The following CRISPLD2 variants were observed in gnomAD, a reference collection of about 807,000 sequenced individuals.
CRISPLD2 encodes the protein cysteine-rich secretory protein LCCL domain-containing 2.
In CRISPLD2, 47 loss-of-function variants were observed where a neutral mutation model predicts 71.1. The ratio of observed to expected loss-of-function variants is 0.66; its 90% CI spans 0.52 to 0.84. The LOEUF is 0.84. Among genes scored for constraint, CRISPLD2 ranks in the 40% least tolerant of loss-of-function variants. The pLI is 0.00. For synonymous variants in CRISPLD2, 317 were observed against 250.1 expected (o/e 1.27, Z -2.52); for missense variants, 830 against 651.1 (o/e 1.27, Z -2.99).
intron 11 of CRISPLD2, 83 bp from the exon 12 acceptor site, chr16:84,877,355 T>C: frequency 8.0e-7 from 1 of 1,253,650 alleles, no homozygotes; most frequent in Non-Finnish European, 1.2e-6. Context: ...GCCCTGGTAG[T>C]CTAGTGGCCC....
At chr16:84,867,107 G>A (rs1339979120) in intron 7 of CRISPLD2, 67 bp downstream of exon 7, 3 of 1,538,064 alleles carry the variant, frequency 2.0e-6, no homozygotes, top group Admixed American at 1.8e-5. Context: ...GGGGTGGGTG[G>A]AGGAGGGGAG....
intron 5 of CRISPLD2, among the ~76,000 whole-genome samples, chr16:84,853,881 C>T (rs1240043080): frequency 1.3e-5 from 2 of 152,234 alleles, no homozygotes; most frequent in African/African-American, 2.4e-5. Context: ...GCCGAGGGCA[C>T]ATGCTGGCAG....
At chr16:84,871,736 G>A (rs1567696088) in intron 8 of CRISPLD2, among the ~76,000 whole-genome samples, 1 of 151,934 alleles carries the variant, frequency 6.6e-6, no homozygotes, top group Admixed American at 6.6e-5. Flanking sequence ...ATTTTTAGTA[G>A]AGATGGGTTT....
intron 1 of CRISPLD2, among the ~76,000 whole-genome samples, chr16:84,831,510 C>G (rs1474947214): frequency 6.6e-6 from 1 of 152,146 alleles, no homozygotes; most frequent in Non-Finnish European, 1.5e-5. Context: ...CCTCCCGTCT[C>G]AGCCCCTCCA....
chr16:84,822,391 CT>C (rs1916250650), intron 1 of CRISPLD2, among the ~76,000 whole-genome samples: 1 of 152,186 alleles, frequency 6.6e-6, no homozygotes. Flanking sequence ...GCAGGACCCT[CT>C]GACGTCTTTG....
intron 2 of CRISPLD2, 59 bp downstream of exon 2, chr16:84,838,794 C>A: frequency 3.2e-6 from 5 of 1,555,642 alleles, no homozygotes; most frequent in Non-Finnish European, 4.3e-6. Flanking sequence ...GGCCACCAGC[C>A]TGCTCTGTTC....
At chr16:84,897,896 C>T (rs1020081481) in intron 14 of CRISPLD2, among the ~76,000 whole-genome samples, 2 of 152,192 alleles carry the variant, frequency 1.3e-5, no homozygotes, top group East Asian at 1.9e-4. Context: ...GGATTACAGG[C>T]GTGAGCTACC....
Position 84,845,773 on chromosome 16 carries a change from CCTT to C in CRISPLD2, c.241-10_241-8del, listed in dbSNP as rs1916896342. 2.5e-6 allele frequency: 4 copies of C among 1,592,774 alleles called. No individual in the cohort carries two copies. The highest frequency in any genetic ancestry group is 1.3e-5 in the African/African-American group (1 of 74,584). ...CCCTCACCTCCTGGTGCCCGTTTCT[CCTT>C]CTCCTGCAGACCTGGGATGACGAAC... On this transcript the variant is annotated splice_polypyrimidine_tract_variant and intron_variant, in intron 2 of 14. Coordinates refer to ENST00000262424, the MANE Select transcript of CRISPLD2 (RefSeq NM_031476.4).
intron 14 of CRISPLD2, among the ~76,000 whole-genome samples, chr16:84,894,308 T>C (rs1419470160): frequency 6.6e-6 from 1 of 152,202 alleles, no homozygotes; most frequent in Admixed American, 6.5e-5. Context: ...CAGTTCAGAA[T>C]TTTTCTTAGA....
chr16:84,885,813 T>A (rs1317898840), intron 13 of CRISPLD2, among the ~76,000 whole-genome samples: 5 of 90,466 alleles, frequency 5.5e-5, no homozygotes, highest in Admixed American at 2.5e-4. Flanking sequence ...GGATCCCTTC[T>A]TTTTTTTTTT....
intron 6 of CRISPLD2, among the ~76,000 whole-genome samples, chr16:84,865,746 T>C (rs948441039): frequency 6.6e-6 from 1 of 152,160 alleles, no homozygotes. Context: ...AATTTACAAA[T>C]TGGTATCCTG....
At chr16:84,875,135 G>A (rs915968854) in intron 11 of CRISPLD2, among the ~76,000 whole-genome samples, 2 of 152,000 alleles carry the variant, frequency 1.3e-5, no homozygotes, top group African/African-American at 2.4e-5. Flanking sequence ...CAGCTACTTC[G>A]GAGTCTGAGA....
In CRISPLD2 at chr16:84,851,887, G is replaced by A. The variant is rs1453534943; in HGVS notation, c.608+1204G>A. Among the ~76,000 whole-genome samples, 113 of 152,372 alleles carry A rather than the reference G, an allele frequency of 7.4e-4. 1 individual carries two copies. Among genetic ancestry groups the A allele is most frequent in the Non-Finnish European group, 1.6e-4 (11 of 68,040 alleles). On this transcript the variant is annotated intron_variant, in intron 5 of 14. Coordinates refer to ENST00000262424, the MANE Select transcript of CRISPLD2 (RefSeq NM_031476.4). ...TCCATATGGTAAAATATACTCATCT[G>A]AAGTATACAGTGCGACACAGTCTCA...
At chr16:84,899,623 G>A (rs1401569586) in intron 14 of CRISPLD2, among the ~76,000 whole-genome samples, 1 of 152,196 alleles carries the variant, frequency 6.6e-6, no homozygotes, top group Non-Finnish European at 1.5e-5. Context: ...GGCGGTGTCA[G>A]CACATTCTTT....
chr16:84,888,895 C>G (rs2071636490), intron 13 of CRISPLD2, among the ~76,000 whole-genome samples: 1 of 152,204 alleles, frequency 6.6e-6, no homozygotes, highest in Non-Finnish European at 1.5e-5. Flanking sequence ...ATAGCCGATG[C>G]TACCTCATTT....
chr16:84,888,184 C>T (rs879339367), intron 13 of CRISPLD2, among the ~76,000 whole-genome samples: 5 of 152,316 alleles, frequency 3.3e-5, no homozygotes, highest in Non-Finnish European at 5.9e-5. Flanking sequence ...TTGCCTTTTC[C>T]GGCTTCTAGA....
At chr16:84,843,440 G>A (rs1916829881) in intron 2 of CRISPLD2, among the ~76,000 whole-genome samples, 1 of 152,218 alleles carries the variant, frequency 6.6e-6, no homozygotes, top group Admixed American at 6.5e-5. Context: ...CCAAAGAGTT[G>A]AGCAGCCCGT....
At chr16:84,902,320 G>A (rs766666998) in intron 14 of CRISPLD2, among the ~76,000 whole-genome samples, 3 of 151,920 alleles carry the variant, frequency 2.0e-5, no homozygotes, top group African/African-American at 7.2e-5. Context: ...GAGTACAAAC[G>A]ATGAACAGGC....
chr16:84,879,193 C>A (rs1369879036), intron 12 of CRISPLD2, among the ~76,000 whole-genome samples: 1 of 152,134 alleles, frequency 6.6e-6, no homozygotes, highest in Admixed American at 6.6e-5. Flanking sequence ...GGGATAACAG[C>A]CTTTTAGTAG....
Sources: allele counts gnomAD v4.1 joint callset (sites outside exome capture counted in the v4.1 genomes callset), GRCh38; gene constraint gnomAD v4.1.1; transcripts MANE v1.5; gene names NCBI Gene and HGNC (gene_info 2026-07-23, HGNC 2026-07-21).